Variants in USH2A observed in about 807,000 individuals in gnomAD.
USH2A encodes usherin, also known as Usher syndrome 2A (autosomal recessive, mild).
A neutral mutation model predicts 538.9 loss-of-function variants in USH2A; 443 were observed. The observed-to-expected ratio is 0.82, with a 90% CI of 0.76 to 0.89. The LOEUF (loss-of-function observed/expected upper bound fraction) is 0.89, where lower values mean the gene tolerates loss of function less well. USH2A is among the 40% of genes least tolerant of loss of function. The pLI is 0.00. For synonymous variants in USH2A, 2,413 were observed against 2,273.5 expected, an observed-to-expected ratio of 1.06 and a Z score of -1.75; for missense variants, 6,633 against 6,324.8, an observed-to-expected ratio of 1.05 and a Z score of -1.65.
intron 64 of USH2A, among the ~76,000 whole-genome samples, chr1:215,665,385 C>T (rs555352840): frequency 2.6e-5 from 4 of 152,106 alleles, no homozygotes; most frequent in East Asian, 3.9e-4. Flanking sequence ...CCTGAGTGTG[C>T]GTGGGTGCTT....
At chr1:215,808,945 T>G (rs1385845584) in intron 49 of USH2A, among the ~76,000 whole-genome samples, 1 of 152,102 alleles carries the variant, frequency 6.6e-6, no homozygotes, top group African/African-American at 2.4e-5. Context: ...TACTCAGGAT[T>G]TTCTCAAAAT....
intron 38 of USH2A, among the ~76,000 whole-genome samples, chr1:215,926,614 C>CTTTTTTTTTTTTT (rs10673615): frequency 2.8e-4 from 21 of 75,850 alleles, no homozygotes; most frequent in Admixed American, 6.0e-4. Flanking sequence ...ACCTACCTAT[C>CTTTTTTTTTTTTT]TTTTTTTTTT....
intron 13 of USH2A, among the ~76,000 whole-genome samples, chr1:216,236,176 A>G (rs139231994): frequency 8.2e-4 from 125 of 152,166 alleles, no homozygotes; most frequent in African/African-American, 2.9e-3. Flanking sequence ...TTTCAATTAA[A>G]TTAGGTATGC....
In USH2A at chr1:215,623,694, T is replaced by C. The variant is rs1655889877; in HGVS notation, c.*2087A>G. Reference sequence around the variant, plus strand: ...TGATTCAGCTAACTGAGTTCATGTCTAATTAGATGATTAAATGGATAATGA... The same window carrying C: ...TGATTCAGCTAACTGAGTTCATGTCCAATTAGATGATTAAATGGATAATGA... On this transcript the variant is annotated 3_prime_UTR_variant, in exon 72 of 72. Coordinates refer to ENST00000307340, the MANE Select transcript of USH2A (RefSeq NM_206933.4). 6.6e-6 allele frequency: 1 copy of C among 152,168 alleles called. No homozygotes were observed. Among genetic ancestry groups the C allele is most frequent in the East Asian group, 1.9e-4 (1 of 5,192 alleles). The allele number at this position is 152,168 out of a possible 1,614,324, so 9.4% of individuals were successfully genotyped here.
At chr1:215,759,885 A>G (rs1233435153) in intron 56 of USH2A, 42 bp from the exon 57 acceptor site, 1 of 1,611,926 alleles carries the variant, frequency 6.2e-7, no homozygotes, top group Non-Finnish European at 8.5e-7. Context: ...TTAGGAGAAA[A>G]TAAACAGTGT....
chr1:215,852,741 C>G (rs114886599), intron 44 of USH2A, among the ~76,000 whole-genome samples: 1 of 152,180 alleles, frequency 6.6e-6, no homozygotes, highest in Non-Finnish European at 1.5e-5. Flanking sequence ...CAGGCCCCAA[C>G]GCAAGTCCAA....
chr1:215,856,404 G>A (rs1395093159), intron 44 of USH2A, among the ~76,000 whole-genome samples: 1 of 152,060 alleles, frequency 6.6e-6, no homozygotes, highest in Non-Finnish European at 1.5e-5. Flanking sequence ...CTCAAAAGAA[G>A]AATGGCCAAG....
At chr1:216,312,934 C>A (rs575364336) in intron 9 of USH2A, among the ~76,000 whole-genome samples, 2 of 152,178 alleles carry the variant, frequency 1.3e-5, no homozygotes, top group South Asian at 2.1e-4. Context: ...GGCAAACAGG[C>A]CTTTCATGGT....
intron 15 of USH2A, among the ~76,000 whole-genome samples, chr1:216,214,870 G>A (rs958413205): frequency 6.6e-6 from 1 of 152,062 alleles, no homozygotes; most frequent in Non-Finnish European, 1.5e-5. Context: ...GTGTGTGTAT[G>A]TGTATAATTT....
rs185292862 is a variant in USH2A at position 216,094,672 on chromosome 1, T to C, written c.4758+2411A>G. 2.4e-3 allele frequency among the ~76,000 whole-genome samples: 370 copies of C among 152,348 alleles called. 1 individual carries two copies. Among genetic ancestry groups the C allele is most frequent in the Non-Finnish European group, 4.0e-3 (270 of 68,026 alleles). ...GCTAGATTACTTACTGAAATATTTCTTTCCAACCTGGTGCAGAGATGGATT... is the reference window on the plus strand; with the variant it reads ...GCTAGATTACTTACTGAAATATTTCCTTCCAACCTGGTGCAGAGATGGATT... On this transcript the variant is annotated intron_variant, in intron 22 of 71. Transcript: ENST00000307340.
intron 3 of USH2A, among the ~76,000 whole-genome samples, chr1:216,374,105 G>A (rs1483370255): frequency 8.4e-6 from 1 of 119,120 alleles, no homozygotes; most frequent in African/African-American, 3.2e-5. Context: ...GACTTTTGTG[G>A]GGTGGGGGGA....
intron 52 of USH2A, among the ~76,000 whole-genome samples, chr1:215,785,932 TAC>T (rs10638003): frequency 0.31 from 45,969 of 146,208 alleles, 7,102 homozygotes; most frequent in Middle Eastern, 0.4. Context: ...TGATAGATGA[TAC>T]ACACACACAC....
At chr1:215,662,765 G>A (rs1256360589) in intron 64 of USH2A, among the ~76,000 whole-genome samples, 3 of 152,168 alleles carry the variant, frequency 2.0e-5, no homozygotes, top group Non-Finnish European at 4.4e-5. Flanking sequence ...GTTGGGGTGG[G>A]TGTGGGGAGC....
chr1:216,002,669 A>G (rs753251116), intron 32 of USH2A, among the ~76,000 whole-genome samples: 25 of 152,100 alleles, frequency 1.6e-4, no homozygotes, highest in Non-Finnish European at 3.2e-4. Flanking sequence ...ATGCTACAAA[A>G]TTCTTTGGCC....
intron 21 of USH2A, among the ~76,000 whole-genome samples, chr1:216,165,865 T>C (rs1009777043): frequency 1.3e-5 from 2 of 150,480 alleles, no homozygotes; most frequent in African/African-American, 4.9e-5. Context: ...GTTATATGAA[T>C]ACGTTCTTTA....
At chr1:215,648,832 C>A in intron 65 of USH2A, 66 bp from the exon 66 acceptor site, 1 of 1,461,946 alleles carries the variant, frequency 6.8e-7, no homozygotes, top group South Asian at 1.1e-5. Context: ...TGAATGTTAT[C>A]CAAGATCCCA....
intron 29 of USH2A, chr1:216,072,577 G>A (rs767264502): frequency 2.5e-6 from 1 of 400,850 alleles, no homozygotes. Context: ...ATCTGTAAAG[G>A]TTACCTATCC....
intron 64 of USH2A, among the ~76,000 whole-genome samples, chr1:215,667,715 GA>G (rs1382564617): frequency 6.8e-6 from 1 of 146,874 alleles, no homozygotes; most frequent in Non-Finnish European, 1.5e-5. Flanking sequence ...GAAGAAGAAG[GA>G]AAAAAACAAA....
At chr1:215,756,931 C>A (rs1183795144) in intron 58 of USH2A, among the ~76,000 whole-genome samples, 1 of 148,340 alleles carries the variant, frequency 6.7e-6, no homozygotes, top group Non-Finnish European at 1.5e-5. Context: ...AACAAACAAA[C>A]AAACAAACAA....
Sources: gnomAD v4.1 joint callset for allele counts (sites outside exome capture counted in the v4.1 genomes callset) on GRCh38, gnomAD v4.1.1 for gene constraint, MANE v1.5 for transcripts, NCBI Gene and HGNC (gene_info 2026-07-23, HGNC 2026-07-21) for gene names.